FBN1: variants seen among roughly 807,000 people sequenced by gnomAD.
FBN1 encodes fibrillin-1.
FBN1 carries 29 observed loss-of-function variants against 365.1 expected under a neutral mutation model. The observed-to-expected ratio is 0.08, with a 90% CI of 0.06 to 0.11. The LOEUF is 0.11. Ranked by LOEUF, FBN1 falls within the 10% of genes least tolerant of loss-of-function variation. The pLI, the probability that FBN1 is intolerant of heterozygous loss-of-function variation, is 1.00. For synonymous variants in FBN1, 1,210 were observed against 1,270.5 expected, an observed-to-expected ratio of 0.95 and a Z score of 1.01; for missense variants, 2,476 against 3,703.2, an observed-to-expected ratio of 0.67 and a Z score of 8.60.
At chr15:48,510,978 C>A (rs987726283) in intron 13 of FBN1, among the ~76,000 whole-genome samples, 7 of 152,326 alleles carry the variant, frequency 4.6e-5, no homozygotes, top group Admixed American at 4.6e-4. Context: ...AGGATGAACA[C>A]AAACCTCTTT....
At position 48,408,435 on chromosome 15, in the gene FBN1, A is replaced by G; in HGVS notation, c.*2555T>C. 6.5e-6 allele frequency: 1 copy of G among 152,696 alleles called. No individual in the cohort carries two copies. Among genetic ancestry groups the G allele is most frequent in the Non-Finnish European group, 1.5e-5 (1 of 68,046 alleles). 9.5% of individuals were successfully genotyped at this position (152,696 alleles called of 1,614,324 possible). ...CTGAGTAAACTGCTATTTGTTGAAC[A>G]AAAATGTAGTTGTTTGTGCAAGTTT... On this transcript the variant is annotated 3_prime_UTR_variant, in exon 66 of 66. Transcript: ENST00000316623.
intron 6 of FBN1, among the ~76,000 whole-genome samples, chr15:48,540,219 AAATT>A (rs1421101535): frequency 6.6e-6 from 1 of 152,288 alleles, no homozygotes; most frequent in African/African-American, 2.4e-5. Context: ...TTTTAATTCA[AAATT>A]AAGTAATTAC....
chr15:48,415,873 C>A, intron 63 of FBN1, 106 bp from the exon 64 acceptor site: 1 of 900,082 alleles, frequency 1.1e-6, no homozygotes, highest in Non-Finnish European at 1.8e-6. Flanking sequence ...CAGCTAGGCT[C>A]TCAGGAAGGT....
At chr15:48,580,971 T>C (rs961829943) in intron 6 of FBN1, among the ~76,000 whole-genome samples, 2 of 152,182 alleles carry the variant, frequency 1.3e-5, no homozygotes, top group African/African-American at 4.8e-5. Context: ...ACACCAACTC[T>C]GACATGACTT....
At chr15:48,506,915 T>G (rs1005625576) in intron 15 of FBN1, among the ~76,000 whole-genome samples, 33 of 151,324 alleles carry the variant, frequency 2.2e-4, no homozygotes, top group African/African-American at 7.9e-4. Context: ...TACAGAGCTG[T>G]GGAGCTCTCT....
intron 17 of FBN1, among the ~76,000 whole-genome samples, chr15:48,499,446 G>A (rs768770050): frequency 1.3e-5 from 2 of 152,114 alleles, no homozygotes; most frequent in Non-Finnish European, 2.9e-5. Flanking sequence ...TGTTTTTTCA[G>A]TACAATTGGT....
intron 54 of FBN1, 83 bp downstream of exon 54, chr15:48,434,511 T>C: frequency 6.5e-7 from 1 of 1,545,808 alleles, no homozygotes; most frequent in Non-Finnish European, 8.9e-7. Flanking sequence ...CCCTGAGTTG[T>C]ATTTAATATT....
At chr15:48,586,430 C>G (rs1324871382) in intron 6 of FBN1, among the ~76,000 whole-genome samples, 1 of 152,102 alleles carries the variant, frequency 6.6e-6, no homozygotes, top group African/African-American at 2.4e-5. Flanking sequence ...AGGATCTAAC[C>G]AGTATAGAAA....
intron 27 of FBN1, 79 bp from the exon 28 acceptor site, chr15:48,487,516 G>C (rs2043519600): frequency 6.4e-7 from 1 of 1,573,226 alleles, no homozygotes; most frequent in Non-Finnish European, 8.7e-7. Flanking sequence ...CCCACCCATT[G>C]CTGGGTGTCC....
At chr15:48,628,411 CCAAAATCTTACCAACTTTT>C (rs1336789939) in intron 2 of FBN1, among the ~76,000 whole-genome samples, 1 of 152,096 alleles carries the variant, frequency 6.6e-6, no homozygotes. Flanking sequence ...CCCTCATAGT[CCAAAATCTTACCAACTTTT>C]CATAAGGTTC....
chr15:48,635,077 T>C (rs1890069410), intron 2 of FBN1, among the ~76,000 whole-genome samples: 1 of 152,166 alleles, frequency 6.6e-6, no homozygotes, highest in Non-Finnish European at 1.5e-5. Context: ...TTAGATGTGT[T>C]TGGATACTTA....
rs111231879 is a variant in FBN1, at chr15:48,421,659, T to C, written c.7598A>G (p.Asn2533Ser). Residue 2533 changes from asparagine (N) to serine (S), a missense_variant, in exon 62 of 66, where the codon AAT (asparagine) becomes AGT (serine). Physicochemically the swap from Asn to Ser is conservative, Grantham distance 46 (BLOSUM62 1). Around this residue, in one of 5 missense-constraint regions of FBN1, gnomAD observed 1,780 missense variants for 2,840.8 expected, o/e 0.63. Coordinates refer to ENST00000316623, the MANE Select transcript of FBN1 (RefSeq NM_000138.5). ...GCAAATGCCCTTAGACCCGCACAGA[T>C]TGATGTCAGAGGTGCATTCATTGTT... ...IDNNECTSDI[N>S]LCGSKGICQN... 19 of 1,613,762 alleles carry C rather than the reference T, an allele frequency of 1.2e-5. No homozygotes were observed. Among genetic ancestry groups the C allele is most frequent in the East Asian group, 2.2e-5 (1 of 44,884 alleles).
At chr15:48,501,444 T>C (rs1482295597) in intron 17 of FBN1, among the ~76,000 whole-genome samples, 1 of 152,226 alleles carries the variant, frequency 6.6e-6, no homozygotes, top group Non-Finnish European at 1.5e-5. Context: ...CACCTTGATA[T>C]TGGACTTCCC....
intron 63 of FBN1, among the ~76,000 whole-genome samples, chr15:48,417,448 TTTCC>T (rs112725437): frequency 2.1e-4 from 19 of 91,552 alleles, no homozygotes; most frequent in African/African-American, 1.8e-4. Context: ...CCCTCCCTCC[TTTCC>T]TTCCTTCCTT....
intron 63 of FBN1, among the ~76,000 whole-genome samples, chr15:48,418,337 A>G (rs2042916697): frequency 6.6e-6 from 1 of 152,202 alleles, no homozygotes; most frequent in Non-Finnish European, 1.5e-5. Flanking sequence ...AACTATCAAG[A>G]GTTCTCCCCC....
At chr15:48,568,057 A>AAAGAAAGAAAGAAAGAAAGAAAG in intron 6 of FBN1, among the ~76,000 whole-genome samples, 1 of 113,084 alleles carries the variant, frequency 8.8e-6, no homozygotes, top group South Asian at 3.1e-4. Context: ...AAGAAGAAAG[A>AAAGAAAGAAAGAAAGAAAGAAAG]AAGAAAGAAA....
chr15:48,434,305 A>C (rs1377755680), intron 54 of FBN1, among the ~76,000 whole-genome samples: 1 of 152,208 alleles, frequency 6.6e-6, no homozygotes. Context: ...GAAAGAAGGT[A>C]TTAAACAACA....
In FBN1 at chr15:48,522,991, G is replaced by C. The variant is rs181077546; in HGVS notation, c.989-2174C>G. Among the ~76,000 whole-genome samples the C allele has an allele frequency of 6.5e-4, 99 of 152,342 alleles. No homozygotes were observed. The East Asian group carries it at 0.019, about 29-fold the overall frequency. On this transcript the variant is annotated intron_variant, in intron 9 of 65. Coordinates refer to ENST00000316623, the MANE Select transcript of FBN1 (RefSeq NM_000138.5). ...GGGAGTATAGACAAGTATGCTCTCT[G>C]TGAAGCCTCAGGTGGTACCTCCCCC...
intron 2 of FBN1, among the ~76,000 whole-genome samples, chr15:48,614,625 T>TA (rs780807839): frequency 1.3e-5 from 2 of 152,130 alleles, no homozygotes; most frequent in Non-Finnish European, 2.9e-5. Flanking sequence ...GAAAGGGCCC[T>TA]AACTCCATAC....
Sources: allele counts gnomAD v4.1 joint callset (sites outside exome capture counted in the v4.1 genomes callset), GRCh38; gene constraint gnomAD v4.1.1; regional missense constraint gnomAD v4.1.1; transcripts MANE v1.5; gene names NCBI Gene and HGNC (gene_info 2026-07-23, HGNC 2026-07-21).